The following GLIS3 variants were observed in gnomAD, a reference collection of about 807,000 sequenced individuals.
The protein encoded by GLIS3 is zinc finger protein GLIS3.
Under a neutral mutation model 78.6 loss-of-function variants are expected in GLIS3, and 53 were observed. The observed-to-expected ratio is 0.67, with a 90% CI of 0.54 to 0.85. GLIS3 has a LOEUF of 0.85. Among genes scored for constraint, GLIS3 ranks in the 40% least tolerant of loss-of-function variants. GLIS3 has a pLI of 0.00. For synonymous variants in GLIS3, 684 were observed against 509.9 expected (o/e 1.34, Z -4.60); for missense variants, 1,703 against 1,231.1 (o/e 1.38, Z -5.74).
At chr9:4,410,325 G>C in the GLIS3 span, among the ~76,000 whole-genome samples, 14 of 152,064 alleles carry the variant, frequency 9.2e-5, no homozygotes, top group Non-Finnish European at 4.4e-5. Flanking sequence ...GAAAAAGCTA[G>C]AACAACAGAG....
chr9:4,353,759 A>G, the GLIS3 span, among the ~76,000 whole-genome samples: 1 of 152,128 alleles, frequency 6.6e-6, no homozygotes, highest in Non-Finnish European at 1.5e-5. Flanking sequence ...TCCGCTGCAC[A>G]AAGATGTATG....
At chr9:4,133,492 G>C (rs1833131805) in intron 2 of GLIS3, among the ~76,000 whole-genome samples, 1 of 152,104 alleles carries the variant, frequency 6.6e-6, no homozygotes, top group Non-Finnish European at 1.5e-5. Flanking sequence ...AGAAGTGAGA[G>C]GTTAACAGTA....
chr9:4,045,264 A>G (rs886827038), intron 4 of GLIS3, among the ~76,000 whole-genome samples: 2 of 152,146 alleles, frequency 1.3e-5, no homozygotes, highest in African/African-American at 4.8e-5. Flanking sequence ...TGATGTACAC[A>G]CTGGACCTTG....
chr9:4,445,590 C>T, the GLIS3 span, among the ~76,000 whole-genome samples: 2 of 152,186 alleles, frequency 1.3e-5, no homozygotes, highest in Admixed American at 6.5e-5. Flanking sequence ...GCTATGATTG[C>T]ACCACTGCCC....
rs142843073 is a variant in GLIS3 at position 3,967,937 on chromosome 9, A to C, written c.1711-30748T>G. Among the ~76,000 whole-genome samples the C allele has an allele frequency of 4.8e-3, 725 of 152,330 alleles. 7 individuals are homozygous for C. The highest frequency in any genetic ancestry group is 0.017 in the African/African-American group (706 of 41,584). On this transcript the variant is annotated intron_variant, in intron 4 of 10. Transcript: ENST00000381971. ...ACTTTGTGCATTGTTGTGAGCAAAT[A>C]ATGCTTTGTTGTTTGAAAATAAGAC...
At position 3,856,762 on chromosome 9, in the gene GLIS3, C is replaced by T. The variant is rs555823314; in HGVS notation, c.2298-578G>A. Among the ~76,000 whole-genome samples, 33 of 152,282 alleles carry T rather than the reference C, an allele frequency of 2.2e-4. No individual in the cohort carries two copies. In the East Asian group the frequency reaches 6.4e-3, roughly 29 times the overall value. On this transcript the variant is annotated intron_variant, in intron 8 of 10. Coordinates refer to ENST00000381971, the MANE Select transcript of GLIS3 (RefSeq NM_001042413.2). The stretch of plus-strand genomic sequence containing the variant: ...TCAAGTATGGCTTGAAACCCACAAC[C>T]CACGAAATCTGCGTGGGCTCCGTGC...
intron 8 of GLIS3, among the ~76,000 whole-genome samples, chr9:3,878,129 C>G (rs1263150951): frequency 6.6e-6 from 1 of 152,088 alleles, no homozygotes; most frequent in East Asian, 1.9e-4. Context: ...TGCTGTGCCC[C>G]CACTGAGGCA....
intron 4 of GLIS3, among the ~76,000 whole-genome samples, chr9:4,083,733 C>T (rs1370984962): frequency 6.6e-6 from 1 of 152,030 alleles, no homozygotes; most frequent in South Asian, 2.1e-4. Context: ...GCCAAAAACA[C>T]AAGAAAAAAT....
chr9:4,486,043 G>A, the GLIS3 span, among the ~76,000 whole-genome samples: 2 of 152,098 alleles, frequency 1.3e-5, no homozygotes, highest in African/African-American at 4.8e-5. Context: ...TTTAGTCGGG[G>A]AGATTTTTAT....
At chr9:3,913,267 C>A (rs1428086021) in intron 6 of GLIS3, among the ~76,000 whole-genome samples, 2 of 152,164 alleles carry the variant, frequency 1.3e-5, no homozygotes, top group African/African-American at 4.8e-5. Flanking sequence ...TTTAAAAATA[C>A]CTACTTCTAA....
chr9:4,058,996 A>G (rs976797701), intron 4 of GLIS3, among the ~76,000 whole-genome samples: 7 of 152,066 alleles, frequency 4.6e-5, no homozygotes, highest in Middle Eastern at 3.4e-3. Flanking sequence ...ACAAAAAAAA[A>G]AAAAGAAAAA....
chr9:4,436,576 G>A, the GLIS3 span, among the ~76,000 whole-genome samples: 12 of 152,110 alleles, frequency 7.9e-5, no homozygotes, highest in South Asian at 2.1e-4. Flanking sequence ...AGGCCAAGGC[G>A]GGTGGATCAC....
intron 4 of GLIS3, among the ~76,000 whole-genome samples, chr9:4,088,459 T>C (rs1313352114): frequency 6.6e-6 from 1 of 152,234 alleles, no homozygotes; most frequent in Non-Finnish European, 1.5e-5. Context: ...AGAAGTACAA[T>C]CCTCCCTTAT....
At chr9:3,893,058 T>G (rs1204790337) in intron 7 of GLIS3, among the ~76,000 whole-genome samples, 2 of 152,162 alleles carry the variant, frequency 1.3e-5, no homozygotes, top group African/African-American at 4.8e-5. Context: ...GCCCAGGTAT[T>G]AAGTCTACTT....
chr9:4,187,135 C>A (rs12342945), intron 2 of GLIS3, among the ~76,000 whole-genome samples: 1 of 152,006 alleles, frequency 6.6e-6, no homozygotes, highest in Non-Finnish European at 1.5e-5. Context: ...TTAGGTCTAA[C>A]GTTTAAGTCT....
At chr9:4,187,718 T>C (rs1162812791) in intron 2 of GLIS3, among the ~76,000 whole-genome samples, 1 of 152,198 alleles carries the variant, frequency 6.6e-6, no homozygotes, top group Non-Finnish European at 1.5e-5. Flanking sequence ...TCACATCCCT[T>C]GTAAGTTGGA....
At chr9:3,832,838 T>C (rs375187742) in intron 9 of GLIS3, among the ~76,000 whole-genome samples, 30 of 152,252 alleles carry the variant, frequency 2.0e-4, no homozygotes, top group South Asian at 6.2e-4. Flanking sequence ...CAAGAAAAGA[T>C]TTTTTCACTA....
chr9:4,127,320 G>T (rs1832647687), intron 2 of GLIS3, among the ~76,000 whole-genome samples: 1 of 152,108 alleles, frequency 6.6e-6, no homozygotes, highest in Non-Finnish European at 1.5e-5. Flanking sequence ...GCTCTGATAT[G>T]CCTAGTTTCT....
At chr9:4,455,788 A>T in the GLIS3 span, among the ~76,000 whole-genome samples, 6 of 152,142 alleles carry the variant, frequency 3.9e-5, no homozygotes, top group African/African-American at 1.4e-4. Context: ...AGTGATTCAC[A>T]TGATTGTTTT....
Sources: allele counts gnomAD v4.1 joint callset (sites outside exome capture counted in the v4.1 genomes callset), GRCh38; gene constraint gnomAD v4.1.1; transcripts MANE v1.5; gene names NCBI Gene and HGNC (gene_info 2026-07-23, HGNC 2026-07-21).